The following CTNNA3 variants were observed in gnomAD, a reference collection of about 807,000 sequenced individuals.
The protein encoded by CTNNA3 is catenin alpha 3, also known as catenin alpha-3.
Under a neutral mutation model 95.7 loss-of-function variants are expected in CTNNA3, and 76 were observed. That is an observed-to-expected ratio of 0.79 (90% CI 0.66 to 0.96). The LOEUF (loss-of-function observed/expected upper bound fraction) is 0.96. Among genes scored for constraint, CTNNA3 ranks in the 40% least tolerant of loss-of-function variants. The pLI is 0.00. For missense variants in CTNNA3, 1,191 were observed against 1,089.8 expected (o/e 1.09, Z -1.31); for synonymous variants, 431 against 374.4 (o/e 1.15, Z -1.74).
In CTNNA3 at chr10:65,917,628, G is replaced by A. The variant is rs2077023376; in HGVS notation, c.*2702C>T. The A allele has an allele frequency of 6.6e-6, 1 of 152,030 alleles. No individual in the cohort carries two copies. The highest frequency in any genetic ancestry group is 1.5e-5 in the Non-Finnish European group (1 of 67,968). 9.4% of individuals were successfully genotyped at this position (152,030 alleles called of 1,614,324 possible). On this transcript the variant is annotated 3_prime_UTR_variant, in exon 18 of 18. Transcript: ENST00000433211. ...ACAAATTGATTTCGTTAAAAAGAAA[G>A]GTGAGTTCTTATTAGCAGGATCAAG...
At chr10:66,248,328 AAAG>A (rs1391091065) in intron 13 of CTNNA3, among the ~76,000 whole-genome samples, 4 of 144,504 alleles carry the variant, frequency 2.8e-5, no homozygotes, top group Non-Finnish European at 4.5e-5. Flanking sequence ...GGAAGGAAGA[AAAG>A]AAGAAAGAGA....
chr10:67,230,938 C>T (rs191702570), intron 5 of CTNNA3, among the ~76,000 whole-genome samples: 95 of 152,296 alleles, frequency 6.2e-4, no homozygotes, highest in Non-Finnish European at 9.3e-4. Context: ...GATCGGGTCA[C>T]TCCCACCCGA....
At chr10:67,293,793 T>G (rs1016628699) in intron 5 of CTNNA3, among the ~76,000 whole-genome samples, 1 of 151,912 alleles carries the variant, frequency 6.6e-6, no homozygotes, top group African/African-American at 2.4e-5. Flanking sequence ...TGCGATAGTT[T>G]GCTGAGAATG....
intron 7 of CTNNA3, among the ~76,000 whole-genome samples, chr10:67,049,021 T>C (rs1369427384): frequency 1.1e-5 from 1 of 88,230 alleles, no homozygotes; most frequent in African/African-American, 4.5e-5. Context: ...AAATTTATGA[T>C]GATAACTGGT....
intron 1 of CTNNA3, among the ~76,000 whole-genome samples, chr10:67,692,068 G>T (rs1186536213): frequency 1.4e-5 from 2 of 139,832 alleles, no homozygotes; most frequent in East Asian, 2.2e-4. Context: ...GGAGGGAGGT[G>T]GGGGGGTCAG....
rs149850759 is a variant in CTNNA3 at position 65,993,547 on chromosome 10, A to G, written c.2160-4750T>C. Reference sequence around the variant, plus strand: ...TTTTTGACTTAAAAATGTTTTTATCAGATATAAGTAGAGATACTTATGCTC... The same window carrying G: ...TTTTTGACTTAAAAATGTTTTTATCGGATATAAGTAGAGATACTTATGCTC... On this transcript the variant is annotated intron_variant, in intron 15 of 17. Transcript: ENST00000433211. 5.3e-3 allele frequency among the ~76,000 whole-genome samples: 810 copies of G among 152,272 alleles called. 8 individuals are homozygous for G. The highest frequency in any genetic ancestry group is 0.019 in the African/African-American group (771 of 41,554).
chr10:67,082,775 A>G (rs180989862), intron 7 of CTNNA3, among the ~76,000 whole-genome samples: 5 of 152,300 alleles, frequency 3.3e-5, no homozygotes, highest in Admixed American at 1.3e-4. Flanking sequence ...ATGAGTGTTA[A>G]AAGACATCCT....
chr10:67,350,910 G>GTGTATATA lies in CTNNA3; in HGVS notation c.580-131041_580-131040insTATATACA, dbSNP rs146861544. Among the ~76,000 whole-genome samples the GTGTATATA allele has an allele frequency of 3.6e-3, 512 of 141,808 alleles. 3 individuals carry two copies. Among genetic ancestry groups the GTGTATATA allele is most frequent in the African/African-American group, 0.012 (479 of 38,702 alleles). The allele number at this position is 141,808 out of a possible 152,430, so 93.0% of individuals were successfully genotyped here. A position where few individuals can be genotyped will look rare whatever the true frequency, so the allele number is the denominator to read the frequency against. On this transcript the variant is annotated intron_variant, in intron 5 of 17. Transcript: ENST00000433211. ...AAATCTGTATGTGAAAAAAGTATGT[G>GTGTATATA]TATATATATATATATATATATGCAT...
intron 7 of CTNNA3, among the ~76,000 whole-genome samples, chr10:67,019,602 C>A (rs1358010405): frequency 6.6e-6 from 1 of 152,136 alleles, no homozygotes; most frequent in Non-Finnish European, 1.5e-5. Context: ...ATATGGAGTA[C>A]AAAGAGGTTG....
chr10:67,142,795 G>T (rs1226953452), intron 7 of CTNNA3, among the ~76,000 whole-genome samples: 1 of 152,132 alleles, frequency 6.6e-6, no homozygotes, highest in Admixed American at 6.5e-5. Context: ...AGCCAGGCGT[G>T]GTGGCATGTG....
intron 7 of CTNNA3, among the ~76,000 whole-genome samples, chr10:66,901,610 GTGTGCTGTA>G (rs1182192202): frequency 1.3e-5 from 2 of 152,198 alleles, no homozygotes; most frequent in Non-Finnish European, 2.9e-5. Context: ...AGACCCATCA[GTGTGCTGTA>G]TTCAGGAGAC....
intron 3 of CTNNA3, among the ~76,000 whole-genome samples, chr10:67,591,356 A>C (rs555313771): frequency 1.5e-4 from 23 of 152,160 alleles, no homozygotes; most frequent in Non-Finnish European, 3.1e-4. Context: ...TTGGATACTT[A>C]AGAAACCAAA....
In CTNNA3 at chr10:67,287,140, C is replaced by A. The variant is rs1001672182; in HGVS notation, c.580-67270G>T. Among the ~76,000 whole-genome samples, 11 of 152,166 alleles carry A rather than the reference C, an allele frequency of 7.2e-5. No homozygotes were observed. In the East Asian group the frequency reaches 1.7e-3, roughly 24 times the overall value. ...GGATCATGAGGTCAGGAGTTCGAGA[C>A]CAGCCTGGACAATAAGGCAAAACCC... is the stretch of plus-strand genomic sequence containing the variant. On this transcript the variant is annotated intron_variant, in intron 5 of 17. Transcript: ENST00000433211.
intron 12 of CTNNA3, among the ~76,000 whole-genome samples, chr10:66,284,929 CT>C (rs1564838971): frequency 6.6e-6 from 1 of 151,770 alleles, no homozygotes; most frequent in African/African-American, 2.4e-5. Context: ...TTATACTCTT[CT>C]TTTTTTCATT....
chr10:67,594,152 T>G (rs1842866534), intron 3 of CTNNA3, among the ~76,000 whole-genome samples: 1 of 152,206 alleles, frequency 6.6e-6, no homozygotes, highest in Non-Finnish European at 1.5e-5. Flanking sequence ...CTGGATTCAG[T>G]TTGCTTGTAC....
intron 13 of CTNNA3, among the ~76,000 whole-genome samples, chr10:66,220,452 C>T (rs1392714584): frequency 1.3e-5 from 2 of 152,066 alleles, no homozygotes; most frequent in Non-Finnish European, 2.9e-5. Context: ...TGTGTGGCCC[C>T]GTGGCAGAGT....
At chr10:67,284,091 C>A (rs1357408042) in intron 5 of CTNNA3, among the ~76,000 whole-genome samples, 1 of 152,194 alleles carries the variant, frequency 6.6e-6, no homozygotes, top group Non-Finnish European at 1.5e-5. Context: ...CCAAACAAGG[C>A]TACTGTGATC....
At chr10:66,542,534 A>G (rs1410555226) in intron 10 of CTNNA3, among the ~76,000 whole-genome samples, 1 of 152,172 alleles carries the variant, frequency 6.6e-6, no homozygotes, top group Non-Finnish European at 1.5e-5. Flanking sequence ...TGTGGCACAT[A>G]TACACCATGG....
At chr10:66,444,632 T>G (rs11497941) in intron 11 of CTNNA3, among the ~76,000 whole-genome samples, 17,798 of 151,912 alleles carry the variant, frequency 0.12, 1,507 homozygotes, top group African/African-American at 0.24. Context: ...GCTGAGAGAT[T>G]TTGTCACCAC....
Sources: gnomAD v4.1 joint callset for allele counts (sites outside exome capture counted in the v4.1 genomes callset) on GRCh38, gnomAD v4.1.1 for gene constraint, MANE v1.5 for transcripts, NCBI Gene and HGNC (gene_info 2026-07-23, HGNC 2026-07-21) for gene names.